Variants in ATF7IP2 observed in about 807,000 individuals in gnomAD.
ATF7IP2 encodes the protein activating transcription factor 7-interacting protein 2.
A neutral mutation model predicts 64.2 loss-of-function variants in ATF7IP2; 42 were observed. The observed-to-expected ratio is 0.65, with a 90% CI of 0.51 to 0.85. The LOEUF (loss-of-function observed/expected upper bound fraction) is 0.85. ATF7IP2 is among the 40% of genes least tolerant of loss of function. The pLI is 0.00. For synonymous variants in ATF7IP2, 308 were observed against 272.8 expected, an observed-to-expected ratio of 1.13 and a Z score of -1.27; for missense variants, 933 against 784.2, an observed-to-expected ratio of 1.19 and a Z score of -2.27.
rs1476575065 is a variant in ATF7IP2, at chr16:10,412,010, G to GGTTTTTTTTT, written c.-241-2564_-241-2563insGTTTTTTTTT. 1.4e-3 allele frequency among the ~76,000 whole-genome samples: 80 copies of GGTTTTTTTTT among 58,398 alleles called. 12 individuals carry two copies. Among genetic ancestry groups the GGTTTTTTTTT allele is most frequent in the African/African-American group, 2.3e-3 (38 of 16,354 alleles). The allele number at this position is 58,398 out of a possible 152,430, so 38.3% of individuals were successfully genotyped here. A position where few individuals can be genotyped will look rare whatever the true frequency, so the allele number is the denominator to read the frequency against. On this transcript the variant is annotated intron_variant, in intron 1 of 13. Transcript: ENST00000562102. ...CTTTTTGTTTCATTTATCTTTTTTT[G>GGTTTTTTTTT]TTTTTTTTTTTTTTTTTTTTTTTTT... is the stretch of plus-strand genomic sequence containing the variant.
chr16:10,412,695 G>A (rs1399438311), intron 1 of ATF7IP2, among the ~76,000 whole-genome samples: 1 of 152,062 alleles, frequency 6.6e-6, no homozygotes, highest in East Asian at 1.9e-4. Context: ...GAGTCCATTT[G>A]TTTCAGGGTA....
chr16:10,419,339 T>A (rs746813420), intron 2 of ATF7IP2, among the ~76,000 whole-genome samples: 4 of 152,164 alleles, frequency 2.6e-5, no homozygotes, highest in Non-Finnish European at 5.9e-5. Context: ...CTCATGTGGG[T>A]GAGACGGGCC....
intron 3 of ATF7IP2, among the ~76,000 whole-genome samples, chr16:10,426,021 A>T (rs2048079246): frequency 6.6e-6 from 1 of 152,252 alleles, no homozygotes; most frequent in Non-Finnish European, 1.5e-5. Flanking sequence ...CAGTGAGGAT[A>T]CAGCCAAGCA....
At chr16:10,440,708 A>G (rs2048587748) in intron 8 of ATF7IP2, among the ~76,000 whole-genome samples, 1 of 152,160 alleles carries the variant, frequency 6.6e-6, no homozygotes, top group South Asian at 2.1e-4. Flanking sequence ...CCCCACCCCC[A>G]TTTTATCATG....
intron 6 of ATF7IP2, 88 bp from the exon 7 acceptor site, chr16:10,438,013 G>A: frequency 2.0e-6 from 2 of 1,024,626 alleles, no homozygotes; most frequent in South Asian, 2.1e-5. Context: ...CAGTAAATCT[G>A]GAAAAGAGCA....
intron 8 of ATF7IP2, among the ~76,000 whole-genome samples, chr16:10,453,166 C>A (rs2049044594): frequency 6.6e-6 from 1 of 152,218 alleles, no homozygotes; most frequent in Non-Finnish European, 1.5e-5. Flanking sequence ...AACTCAGTGT[C>A]TGCCCTAACA....
intron 1 of ATF7IP2, among the ~76,000 whole-genome samples, chr16:10,401,039 T>G (rs563812565): frequency 6.6e-6 from 1 of 152,206 alleles, no homozygotes; most frequent in African/African-American, 2.4e-5. Flanking sequence ...TATGAAATGC[T>G]TTTTGTGCAT....
At chr16:10,406,022 G>A (rs1302727440) in intron 1 of ATF7IP2, among the ~76,000 whole-genome samples, 1 of 152,044 alleles carries the variant, frequency 6.6e-6, no homozygotes, top group African/African-American at 2.4e-5. Context: ...CCAGGAGGTG[G>A]AGGTTGCAGT....
At chr16:10,388,263 T>G (rs2047244883) in intron 1 of ATF7IP2, among the ~76,000 whole-genome samples, 1 of 152,152 alleles carries the variant, frequency 6.6e-6, no homozygotes, top group African/African-American at 2.4e-5. Context: ...TCATCTTCAT[T>G]TTTACCAACG....
chr16:10,476,585 G>T (rs892760301), intron 12 of ATF7IP2, among the ~76,000 whole-genome samples: 2 of 151,968 alleles, frequency 1.3e-5, no homozygotes, highest in African/African-American at 4.8e-5. Flanking sequence ...GTGGTTTGCT[G>T]CACCTATCAA....
chr16:10,459,227 C>A (rs1040850566), intron 9 of ATF7IP2, among the ~76,000 whole-genome samples: 2 of 151,854 alleles, frequency 1.3e-5, no homozygotes, highest in Non-Finnish European at 2.9e-5. Context: ...CCAGCACTTT[C>A]GGAGGCCTAG....
chr16:10,413,852 G>C (rs867002375), intron 1 of ATF7IP2, among the ~76,000 whole-genome samples: 1 of 152,178 alleles, frequency 6.6e-6, no homozygotes, highest in Non-Finnish European at 1.5e-5. Context: ...GCAGGCTGAA[G>C]ATAGGGCCCC....
intron 1 of ATF7IP2, among the ~76,000 whole-genome samples, chr16:10,393,476 T>A (rs959770247): frequency 6.6e-6 from 1 of 152,148 alleles, no homozygotes; most frequent in Non-Finnish European, 1.5e-5. Flanking sequence ...ATTTTTAGTT[T>A]ATGATGCTAC....
At chr16:10,395,002 G>C (rs1462028867) in intron 1 of ATF7IP2, among the ~76,000 whole-genome samples, 1 of 151,910 alleles carries the variant, frequency 6.6e-6, no homozygotes, top group Non-Finnish European at 1.5e-5. Flanking sequence ...GAAATTAATA[G>C]AATAGACAAA....
rs759625819 is a variant in ATF7IP2, at chr16:10,430,902, T to C, written c.282T>C (p.Asn94=). ...AGAAAAGTAAAGTATTCTCTCAGAATTGCATAAAACCAGTAGAAGAAATTG... is the reference window on the plus strand; with the variant it reads ...AGAAAAGTAAAGTATTCTCTCAGAACTGCATAAAACCAGTAGAAGAAATTG... ...ISEKSKVFSQ[N]CIKPVEEIVH... Residue 94 remains asparagine (N), a synonymous_variant, in exon 5 of 14, where the codon AAT becomes AAC. Transcript: ENST00000562102. 1.2e-6 allele frequency: 2 copies of C among 1,614,026 alleles called. No homozygotes were observed. Among genetic ancestry groups the C allele is most frequent in the East Asian group, 2.2e-5 (1 of 44,886 alleles).
intron 12 of ATF7IP2, among the ~76,000 whole-genome samples, chr16:10,475,619 G>T (rs1462326088): frequency 3.3e-5 from 5 of 150,306 alleles, no homozygotes; most frequent in Admixed American, 1.3e-4. Context: ...CGCGAACCCG[G>T]GAAGTGGAGC....
intron 9 of ATF7IP2, among the ~76,000 whole-genome samples, chr16:10,463,577 A>T (rs757843222): frequency 2.6e-5 from 4 of 152,186 alleles, no homozygotes; most frequent in Non-Finnish European, 5.9e-5. Flanking sequence ...AAGCCGTTTT[A>T]GGCTCTGACC....
intron 1 of ATF7IP2, among the ~76,000 whole-genome samples, chr16:10,396,829 T>A (rs76742253): frequency 0.014 from 733 of 54,156 alleles, 2 homozygotes; most frequent in African/African-American, 0.039. Flanking sequence ...AAAAAAAAAA[T>A]TTTTTTTTTA....
intron 12 of ATF7IP2, among the ~76,000 whole-genome samples, chr16:10,480,099 T>C (rs1461004268): frequency 6.6e-6 from 1 of 150,618 alleles, no homozygotes; most frequent in Non-Finnish European, 1.5e-5. Context: ...AGCAATTCTC[T>C]GTCTCAGCCT....
Sources: gnomAD v4.1 joint callset for allele counts (sites outside exome capture counted in the v4.1 genomes callset) on GRCh38, gnomAD v4.1.1 for gene constraint, MANE v1.5 for transcripts, NCBI Gene and HGNC (gene_info 2026-07-23, HGNC 2026-07-21) for gene names.